FAM8A1: variants seen among roughly 807,000 people sequenced by gnomAD.
FAM8A1 encodes the protein family with sequence similarity 8 member A1, also known as protein FAM8A1.
Under a neutral mutation model 38.3 loss-of-function variants are expected in FAM8A1, and 18 were observed. That is an observed-to-expected ratio of 0.47 (90% confidence interval 0.33 to 0.70). The LOEUF is 0.70. Ranked by LOEUF, FAM8A1 falls within the 30% of genes least tolerant of loss-of-function variation. FAM8A1 has a pLI of 0.03. For synonymous variants in FAM8A1, 246 were observed against 234.4 expected (o/e 1.05, Z -0.45); for missense variants, 559 against 559.6 (o/e 1.00, Z 0.01).
chr6:17,600,898 G>A lies in FAM8A1; in HGVS notation c.489G>A (p.Ala163=), dbSNP rs748884920. ...SGGAAVPQAA[A]PPPPQLGYYN... is the part of the protein sequence containing the mutation. ...GCGCTGCAGTCCCCCAGGCCGCGGC[G>A]CCGCCGCCCCCGCAGCTGGGCTATT... Residue 163 remains alanine, a synonymous_variant, in exon 1 of 5, where the codon GCG becomes GCA. Coordinates refer to ENST00000259963, the MANE Select transcript of FAM8A1 (RefSeq NM_016255.3). 2.3e-5 allele frequency: 36 copies of A among 1,583,588 alleles called. No homozygotes were observed. Among genetic ancestry groups the A allele is most frequent in the Non-Finnish European group, 2.9e-5 (34 of 1,169,294 alleles).
In FAM8A1 at chr6:17,609,529, A is replaced by ATGTT. The variant is rs1346997068; in HGVS notation, c.*1191_*1194dup. 1 of 152,126 alleles carries ATGTT rather than the reference A, an allele frequency of 6.6e-6. No individual in the cohort carries two copies. Among genetic ancestry groups the ATGTT allele is most frequent in the African/African-American group, 2.4e-5 (1 of 41,410 alleles). The allele number at this position is 152,126 out of a possible 1,614,324, so 9.4% of individuals were successfully genotyped here. A position where few individuals can be genotyped will look rare whatever the true frequency, so the allele number is the denominator to read the frequency against. ...TGGGTCTGCTAAAGTTTGGGGGGAA[A>ATGTT]TGTTACGCAAAGTGATACTGTGTAT... On this transcript the variant is annotated 3_prime_UTR_variant, in exon 5 of 5. Transcript: ENST00000259963.
In FAM8A1 at chr6:17,609,059, G is replaced by GT. The variant is rs1435284314; in HGVS notation, c.*721dup. 1 of 151,922 alleles carries GT rather than the reference G, an allele frequency of 6.6e-6. No homozygotes were observed. Among genetic ancestry groups the GT allele is most frequent in the Non-Finnish European group, 1.5e-5 (1 of 67,958 alleles). The allele number at this position is 151,922 out of a possible 1,614,324, so 9.4% of individuals were successfully genotyped here. On this transcript the variant is annotated 3_prime_UTR_variant, in exon 5 of 5. Coordinates refer to ENST00000259963, the MANE Select transcript of FAM8A1 (RefSeq NM_016255.3). ...GTTAATTGGTTTTTTTTTTTAAAAG[G>GT]TAAGTTAGTGATTACTGTTAATGGT...
intron 1 of FAM8A1, 36 bp downstream of exon 1, chr6:17,601,157 A>G: frequency 1.9e-6 from 3 of 1,556,682 alleles, no homozygotes; most frequent in Non-Finnish European, 2.6e-6. Flanking sequence ...GCGGAGTAGA[A>G]GGGTTTTCGG....
rs185991493 is a variant in FAM8A1 at position 17,609,861 on chromosome 6, G to C, written c.*1522G>C. 4.3e-4 allele frequency: 66 copies of C among 152,156 alleles called. No individual in the cohort carries two copies. Among genetic ancestry groups the C allele is most frequent in the African/African-American group, 1.5e-3 (64 of 41,516 alleles). The allele number at this position is 152,156 out of a possible 1,614,324, so 9.4% of individuals were successfully genotyped here. A position where few individuals can be genotyped will look rare whatever the true frequency, so the allele number is the denominator to read the frequency against. ...TATTAATTTTCAAAGGTTTTTCTTT[G>C]ACGTTTAAAACTGTGACAACAGATA... is the stretch of plus-strand genomic sequence containing the variant. On this transcript the variant is annotated 3_prime_UTR_variant, in exon 5 of 5. Coordinates refer to ENST00000259963, the MANE Select transcript of FAM8A1 (RefSeq NM_016255.3).
At position 17,600,615 on chromosome 6, in the gene FAM8A1, C is replaced by T; in HGVS notation, c.206C>T (p.Pro69Leu). The T allele has an allele frequency of 6.0e-6, 9 of 1,504,230 alleles. No homozygotes were observed. Among genetic ancestry groups the T allele is most frequent in the African/African-American group, 1.5e-5 (1 of 68,148 alleles). 93.2% of individuals were successfully genotyped at this position (1,504,230 alleles called of 1,614,324 possible). ...GCCGCCGCAGCCGACAAATTGGAGC[C>T]GCCGCGCGAGCTCAGGAAGCGCGGG... is the stretch of plus-strand genomic sequence containing the variant. ...AAAAAADKLE[P>L]PRELRKRGEA... The change falls in exon 1 of 5, where the codon CCG becomes CTG. Residue 69 changes from proline (P) to leucine (L), a missense_variant. Physicochemically the swap from Pro to Leu is moderately conservative, Grantham distance 98. Transcript: ENST00000259963.
rs1581638584 is a variant in FAM8A1, at chr6:17,600,652, C to T, written c.243C>T (p.Ser81=). The T allele has an allele frequency of 1.3e-6, 2 of 1,557,630 alleles. No individual in the cohort carries two copies. Among genetic ancestry groups the T allele is most frequent in the Non-Finnish European group, 8.6e-7 (1 of 1,157,730 alleles). ...RELRKRGEAA[S]GSGAELQEQA... ...TCAGGAAGCGCGGGGAGGCGGCCTC[C>T]GGCTCCGGTGCAGAGCTGCAGGAGC... Residue 81 remains serine, a synonymous_variant, in exon 1 of 5, where the codon TCC becomes TCT. Coordinates refer to ENST00000259963, the MANE Select transcript of FAM8A1 (RefSeq NM_016255.3).
intron 4 of FAM8A1, among the ~76,000 whole-genome samples, chr6:17,607,025 C>T (rs567345090): frequency 6.6e-6 from 1 of 152,050 alleles, no homozygotes; most frequent in Non-Finnish European, 1.5e-5. Context: ...CTTTGTGAGG[C>T]TGAGGTGGGC....
intron 1 of FAM8A1, among the ~76,000 whole-genome samples, chr6:17,602,101 G>T (rs1345954119): frequency 6.6e-6 from 1 of 152,208 alleles, no homozygotes; most frequent in African/African-American, 2.4e-5. Flanking sequence ...GGCGATCTTG[G>T]CTCCCTGCAG....
At position 17,608,937 on chromosome 6, in the gene FAM8A1, C is replaced by G. The variant is rs139835524; in HGVS notation, c.*598C>G. Reference sequence around the variant, plus strand: ...TCAAATCCATACTGCAGTTCCCTCTCGTAATGATGTAACTTTACAACTATT... The same window carrying G: ...TCAAATCCATACTGCAGTTCCCTCTGGTAATGATGTAACTTTACAACTATT... On this transcript the variant is annotated 3_prime_UTR_variant, in exon 5 of 5. Coordinates refer to ENST00000259963, the MANE Select transcript of FAM8A1 (RefSeq NM_016255.3). The G allele has an allele frequency of 6.6e-6, 1 of 152,104 alleles. No individual in the cohort carries two copies. Among genetic ancestry groups the G allele is most frequent in the Non-Finnish European group, 1.5e-5 (1 of 68,034 alleles). The allele number at this position is 152,104 out of a possible 1,614,324, so 9.4% of individuals were successfully genotyped here.
rs1763960294 is a variant in FAM8A1 at position 17,600,314 on chromosome 6, G to A, written c.-96G>A. 1.6e-6 allele frequency: 2 copies of A among 1,274,102 alleles called. No individual in the cohort carries two copies. Among genetic ancestry groups the A allele is most frequent in the Non-Finnish European group, 2.0e-6 (2 of 1,004,736 alleles). 78.9% of individuals were successfully genotyped at this position (1,274,102 alleles called of 1,614,324 possible). ...CCGGCGGGGGATTGTTGACGCCTGC[G>A]GTTGCTGCGGTGGTGACGGGGCTGT... On this transcript the variant is annotated 5_prime_UTR_variant, in exon 1 of 5. Transcript: ENST00000259963.
rs1415856158 is a variant in FAM8A1 at position 17,610,454 on chromosome 6, T to C, written c.*2115T>C. ...TATAACCCTACAAAATACATAGAAG[T>C]ATTATTTGCCTTCATAATAGAACCC... On this transcript the variant is annotated 3_prime_UTR_variant, in exon 5 of 5. Transcript: ENST00000259963. 6.6e-6 allele frequency: 1 copy of C among 152,040 alleles called. No homozygotes were observed. Among genetic ancestry groups the C allele is most frequent in the Non-Finnish European group, 1.5e-5 (1 of 67,976 alleles). The allele number at this position is 152,040 out of a possible 1,614,324, so 9.4% of individuals were successfully genotyped here.
chr6:17,600,393 G>T lies in FAM8A1; in HGVS notation c.-17G>T. 7.2e-7 allele frequency: 1 copy of T among 1,398,092 alleles called. No individual in the cohort carries two copies. The highest frequency in any genetic ancestry group is 9.3e-7 in the Non-Finnish European group (1 of 1,075,492). The allele number at this position is 1,398,092 out of a possible 1,614,324, so 86.6% of individuals were successfully genotyped here. On this transcript the variant is annotated 5_prime_UTR_variant, in exon 1 of 5. Coordinates refer to ENST00000259963, the MANE Select transcript of FAM8A1 (RefSeq NM_016255.3). ...GGAGCAGTGACAGGTATCCCAGAGG[G>T]TGCTGCTGAGGCGACGATGGCCGAG...
At position 17,609,956 on chromosome 6, in the gene FAM8A1, T is replaced by A. The variant is rs546753289; in HGVS notation, c.*1617T>A. ...TACAAAATTTCATAAACCGTGTTTT[T>A]CAAAATAAGTTTATGTCAAATCCAG... On this transcript the variant is annotated 3_prime_UTR_variant, in exon 5 of 5. Transcript: ENST00000259963. 6 of 152,308 alleles carry A rather than the reference T, an allele frequency of 3.9e-5. No individual in the cohort carries two copies. Among genetic ancestry groups the A allele is most frequent in the South Asian group, 4.1e-4 (2 of 4,832 alleles). 9.4% of individuals were successfully genotyped at this position (152,308 alleles called of 1,614,324 possible).
At chr6:17,606,446 C>T (rs1459385599) in intron 4 of FAM8A1, among the ~76,000 whole-genome samples, 2 of 152,126 alleles carry the variant, frequency 1.3e-5, no homozygotes, top group Non-Finnish European at 1.5e-5. Context: ...ATGATCCACC[C>T]GCCTCCGCCT....
chr6:17,601,019 C>A lies in FAM8A1; in HGVS notation c.610C>A (p.Pro204Thr). Residue 204 changes from proline to threonine, a missense_variant, in exon 1 of 5, where the codon CCC becomes ACC. Pro to Thr is a conservative substitution (Grantham distance 38, BLOSUM62 -1). Coordinates refer to ENST00000259963, the MANE Select transcript of FAM8A1 (RefSeq NM_016255.3). ...CCCTGCTCCAGTCGCGGGCCTGGGA[C>A]CCCGGGCTCCTCACGTGCAGGCGTC... ...STPAPVAGLG[P>T]RAPHVQASVR... The A allele has an allele frequency of 1.3e-6, 2 of 1,587,982 alleles. No individual in the cohort carries two copies. The highest frequency in any genetic ancestry group is 1.1e-5 in the South Asian group (1 of 87,996).
rs1223496781 is a variant in FAM8A1 at position 17,608,901 on chromosome 6, A to C, written c.*562A>C. On this transcript the variant is annotated 3_prime_UTR_variant, in exon 5 of 5. Transcript: ENST00000259963. Reference sequence around the variant, plus strand: ...GTGAGGCAGGCCTAGCAGTTCCCTTACCTGAAGTTTTCAAATCCATACTGC... The same window carrying C: ...GTGAGGCAGGCCTAGCAGTTCCCTTCCCTGAAGTTTTCAAATCCATACTGC... 6.6e-6 allele frequency: 1 copy of C among 152,224 alleles called. No individual in the cohort carries two copies. The allele number at this position is 152,224 out of a possible 1,614,324, so 9.4% of individuals were successfully genotyped here. A position where few individuals can be genotyped will look rare whatever the true frequency, so the allele number is the denominator to read the frequency against.
chr6:17,611,036 T>G lies in FAM8A1; in HGVS notation c.*2697T>G, dbSNP rs367711301. 2.4e-4 allele frequency: 37 copies of G among 152,290 alleles called. No individual in the cohort carries two copies. Among genetic ancestry groups the G allele is most frequent in the African/African-American group, 8.9e-4 (37 of 41,562 alleles). 9.4% of individuals were successfully genotyped at this position (152,290 alleles called of 1,614,324 possible). Reference sequence around the variant, plus strand: ...CCAGCACTTTTGGAACTAATAAGCCTTCACTTGTCAGTATCATAAAGAGTA... The same window carrying G: ...CCAGCACTTTTGGAACTAATAAGCCGTCACTTGTCAGTATCATAAAGAGTA... On this transcript the variant is annotated 3_prime_UTR_variant, in exon 5 of 5. Transcript: ENST00000259963.
rs1477909450 is a variant in FAM8A1 at position 17,609,607 on chromosome 6, T to A, written c.*1268T>A. Reference sequence around the variant, plus strand: ...GAAGCAAAATTGTGGGGTTTTATTATGTGTGTGTGCTTTTCCTAGATGTCC... The same window carrying A: ...GAAGCAAAATTGTGGGGTTTTATTAAGTGTGTGTGCTTTTCCTAGATGTCC... On this transcript the variant is annotated 3_prime_UTR_variant, in exon 5 of 5. Transcript: ENST00000259963. The A allele has an allele frequency of 6.6e-6, 1 of 152,202 alleles. No individual in the cohort carries two copies. The highest frequency in any genetic ancestry group is 1.5e-5 in the Non-Finnish European group (1 of 68,026). The allele number at this position is 152,202 out of a possible 1,614,324, so 9.4% of individuals were successfully genotyped here.
At chr6:17,605,694 G>A (rs945670948) in intron 3 of FAM8A1, among the ~76,000 whole-genome samples, 180 bp from the exon 4 acceptor site, 9 of 152,228 alleles carry the variant, frequency 5.9e-5, no homozygotes, top group South Asian at 2.1e-4. Flanking sequence ...GACATCTTGT[G>A]GTATTGGACA....
Sources: allele counts gnomAD v4.1 joint callset (sites outside exome capture counted in the v4.1 genomes callset), GRCh38; gene constraint gnomAD v4.1.1; transcripts MANE v1.5; gene names NCBI Gene and HGNC (gene_info 2026-07-23, HGNC 2026-07-21).